Variants in WDR72 observed in about 807,000 individuals in gnomAD.
The protein encoded by WDR72 is WD repeat-containing protein 72.
WDR72 carries 120 observed loss-of-function variants against 124.2 expected under a neutral mutation model. The observed-to-expected ratio is 0.97, with a 90% CI of 0.83 to 1.12. The LOEUF (loss-of-function observed/expected upper bound fraction) is 1.12, where lower values mean the gene tolerates loss of function less well. Ranked by LOEUF, WDR72 falls within the 50% of genes most tolerant of loss-of-function variation. WDR72 has a pLI of 0.00. For synonymous variants in WDR72, 452 were observed against 441.7 expected, an observed-to-expected ratio of 1.02 and a Z score of -0.29; for missense variants, 1,387 against 1,278.8, an observed-to-expected ratio of 1.08 and a Z score of -1.29.
chr15:53,732,151 A>G (rs2018219981), intron 2 of WDR72, among the ~76,000 whole-genome samples: 3 of 152,204 alleles, frequency 2.0e-5, no homozygotes, highest in African/African-American at 7.2e-5. Flanking sequence ...CTGGTCTGCA[A>G]TGCAGTTCTT....
chr15:53,613,606 A>T, intron 16 of WDR72, 60 bp downstream of exon 16: 1 of 1,031,776 alleles, frequency 9.7e-7, no homozygotes, highest in Non-Finnish European at 1.5e-6. Flanking sequence ...TAGAAAGACT[A>T]GTTATGTCCT....
intron 1 of WDR72, among the ~76,000 whole-genome samples, chr15:53,744,412 T>C (rs926545012): frequency 2.0e-5 from 3 of 152,188 alleles, no homozygotes; most frequent in African/African-American, 7.2e-5. Flanking sequence ...CTCCCAGTAA[T>C]GCAGTCCTGC....
intron 14 of WDR72, among the ~76,000 whole-genome samples, chr15:53,636,603 T>A (rs549733006): frequency 6.6e-6 from 1 of 152,204 alleles, no homozygotes; most frequent in South Asian, 2.1e-4. Flanking sequence ...CAACTGTCTA[T>A]TCTTCATTAG....
At chr15:53,536,881 TGTC>T (rs1206023981) in intron 18 of WDR72, among the ~76,000 whole-genome samples, 2 of 152,182 alleles carry the variant, frequency 1.3e-5, no homozygotes, top group Non-Finnish European at 2.9e-5. Context: ...ATGATCCTGT[TGTC>T]TGTCTGCTGC....
chr15:53,743,025 C>T (rs538001586), intron 1 of WDR72, among the ~76,000 whole-genome samples: 18 of 152,224 alleles, frequency 1.2e-4, no homozygotes, highest in East Asian at 7.7e-4. Flanking sequence ...AGATACCACA[C>T]TGGATTCTCA....
chr15:53,649,022 T>C (rs2015141908), intron 14 of WDR72, among the ~76,000 whole-genome samples: 1 of 152,026 alleles, frequency 6.6e-6, no homozygotes, highest in Non-Finnish European at 1.5e-5. Flanking sequence ...TTAATGACAA[T>C]AATAAAATAT....
intron 13 of WDR72, 53 bp from the exon 14 acceptor site, chr15:53,665,821 A>C (rs2015760164): frequency 2.6e-6 from 4 of 1,536,566 alleles, no homozygotes; most frequent in Non-Finnish European, 3.6e-6. Context: ...ACCCCAACAG[A>C]ATAAGACAGA....
At chr15:53,588,518 A>C (rs924499918) in intron 18 of WDR72, among the ~76,000 whole-genome samples, 1 of 152,042 alleles carries the variant, frequency 6.6e-6, no homozygotes, top group Non-Finnish European at 1.5e-5. Flanking sequence ...AAAATTGGGC[A>C]GATAAATTGA....
intron 18 of WDR72, among the ~76,000 whole-genome samples, chr15:53,567,883 A>T (rs1428017993): frequency 6.6e-6 from 1 of 151,604 alleles, no homozygotes; most frequent in Non-Finnish European, 1.5e-5. Flanking sequence ...TCAACAGATA[A>T]AAAACAAATA....
At chr15:53,649,755 G>A (rs2015165866) in intron 14 of WDR72, among the ~76,000 whole-genome samples, 1 of 152,098 alleles carries the variant, frequency 6.6e-6, no homozygotes, top group Admixed American at 6.6e-5. Flanking sequence ...CTTTCAGGAT[G>A]GCTATTATTA....
At chr15:53,707,591 C>T (rs1197512537) in intron 9 of WDR72, among the ~76,000 whole-genome samples, 2 of 151,976 alleles carry the variant, frequency 1.3e-5, no homozygotes, top group South Asian at 2.1e-4. Flanking sequence ...GGACTACAGG[C>T]GCCCGCCACC....
chr15:53,716,909 T>G (rs1380903600), intron 3 of WDR72, among the ~76,000 whole-genome samples: 4 of 152,206 alleles, frequency 2.6e-5, no homozygotes, highest in African/African-American at 9.7e-5. Context: ...AACCTTACTT[T>G]AGAGACAACC....
At chr15:53,638,378 T>C (rs1393019199) in intron 14 of WDR72, among the ~76,000 whole-genome samples, 2 of 151,990 alleles carry the variant, frequency 1.3e-5, no homozygotes, top group African/African-American at 4.8e-5. Flanking sequence ...CTTCCAATCA[T>C]AAAACAGAGG....
At position 53,526,645 on chromosome 15, in the gene WDR72, T is replaced by C. The variant is rs139758075; in HGVS notation, c.3149-3323A>G. 9.9e-4 allele frequency among the ~76,000 whole-genome samples: 150 copies of C among 152,228 alleles called. 2 individuals carry two copies. The highest frequency in any genetic ancestry group is 3.5e-3 in the African/African-American group (144 of 41,562). Reference sequence around the variant, plus strand: ...ATCACAGTAAGTTGTCCTTTTACTATACATATTGACTTTTATTTATCAATA... The same window carrying C: ...ATCACAGTAAGTTGTCCTTTTACTACACATATTGACTTTTATTTATCAATA... On this transcript the variant is annotated intron_variant, in intron 18 of 19. Transcript: ENST00000360509.
chr15:53,644,419 ATTTT>A (rs1300438246), intron 14 of WDR72, among the ~76,000 whole-genome samples: 4 of 152,088 alleles, frequency 2.6e-5, no homozygotes, highest in African/African-American at 9.7e-5. Context: ...TTTTTAAAGG[ATTTT>A]TTAAGCCGAT....
At chr15:53,665,350 A>G (rs1286159559) in intron 14 of WDR72, among the ~76,000 whole-genome samples, 1 of 152,152 alleles carries the variant, frequency 6.6e-6, no homozygotes, top group Non-Finnish European at 1.5e-5. Context: ...AATTGACTCA[A>G]TTTTGATAAG....
intron 14 of WDR72, among the ~76,000 whole-genome samples, chr15:53,623,478 A>ATT (rs1163868100): frequency 7.1e-5 from 10 of 140,932 alleles, no homozygotes; most frequent in Non-Finnish European, 1.3e-4. Flanking sequence ...ATAGCATTAT[A>ATT]TTATATATAT....
At chr15:53,684,147 T>A (rs1004792753) in intron 13 of WDR72, 1 of 152,188 alleles carries the variant, frequency 6.6e-6, no homozygotes, top group Admixed American at 6.5e-5. Flanking sequence ...TAGACGAACC[T>A]TTAACAATGA....
chr15:53,733,950 T>C (rs2018276762), intron 1 of WDR72, among the ~76,000 whole-genome samples: 1 of 152,170 alleles, frequency 6.6e-6, no homozygotes, highest in African/African-American at 2.4e-5. Context: ...AATTTAGCAT[T>C]ATATATTTAA....
Sources: gnomAD v4.1 joint callset for allele counts (sites outside exome capture counted in the v4.1 genomes callset) on GRCh38, gnomAD v4.1.1 for gene constraint, MANE v1.5 for transcripts, NCBI Gene and HGNC (gene_info 2026-07-23, HGNC 2026-07-21) for gene names.